Variants in XKR6 observed in about 807,000 individuals in gnomAD.
The protein encoded by XKR6 is XK related 6.
Under a neutral mutation model 56.7 loss-of-function variants are expected in XKR6, and 22 were observed. The ratio of observed to expected loss-of-function variants is 0.39; its 90% CI spans 0.28 to 0.55. The LOEUF is 0.55. XKR6 is among the 20% of genes least tolerant of loss of function. The pLI, the probability that XKR6 is intolerant of heterozygous loss-of-function variation, is 0.66. For synonymous variants in XKR6, 524 were observed against 387.8 expected, an observed-to-expected ratio of 1.35 and a Z score of -4.13; for missense variants, 852 against 889.0, an observed-to-expected ratio of 0.96 and a Z score of 0.53.
chr8:11,034,664 A>C (rs1484268470), intron 1 of XKR6, among the ~76,000 whole-genome samples: 1 of 152,174 alleles, frequency 6.6e-6, no homozygotes, highest in Non-Finnish European at 1.5e-5. Context: ...CAGTCCCCTA[A>C]AGATACCAGC....
intron 1 of XKR6, among the ~76,000 whole-genome samples, chr8:10,976,313 T>C (rs1802556793): frequency 6.6e-6 from 1 of 152,178 alleles, no homozygotes; most frequent in Admixed American, 6.5e-5. Flanking sequence ...AGCAGGGTCC[T>C]CCTTCCTTCC....
chr8:10,918,032 A>G (rs529829350), intron 2 of XKR6, among the ~76,000 whole-genome samples: 88 of 152,274 alleles, frequency 5.8e-4, no homozygotes, highest in African/African-American at 2.1e-3. Flanking sequence ...TGATAATAGT[A>G]TCATCCCACA....
At chr8:11,109,755 T>C (rs1798816862) in intron 1 of XKR6, 1 of 152,194 alleles carries the variant, frequency 6.6e-6, no homozygotes, top group Non-Finnish European at 1.5e-5. Context: ...CCAAGTTTTC[T>C]CCTGCCTGGT....
intron 2 of XKR6, among the ~76,000 whole-genome samples, chr8:10,916,907 C>G (rs1013872169): frequency 2.0e-5 from 3 of 152,216 alleles, no homozygotes; most frequent in Non-Finnish European, 2.9e-5. Context: ...ATAAAAGGAG[C>G]CTGCAAGTGA....
At chr8:11,017,962 T>A (rs1263526562) in intron 1 of XKR6, among the ~76,000 whole-genome samples, 1 of 152,194 alleles carries the variant, frequency 6.6e-6, no homozygotes, top group Non-Finnish European at 1.5e-5. Context: ...CTATTTCTCC[T>A]GTTCCCATCT....
intron 1 of XKR6, among the ~76,000 whole-genome samples, chr8:10,962,633 T>G (rs1420942894): frequency 3.3e-5 from 5 of 152,178 alleles, no homozygotes; most frequent in African/African-American, 4.8e-5. Flanking sequence ...GTTTTGTTTT[T>G]TTTTGTTTTT....
rs142485405 is a variant in XKR6 at position 10,972,091 on chromosome 8, A to G, written c.765-47261T>C. On this transcript the variant is annotated intron_variant, in intron 1 of 2. Transcript: ENST00000416569. Reference sequence around the variant, plus strand: ...TTAAATATTTCTGTTGCGAGTGCCAATCGCCTCTGGCTGGAACACCCTGAG... The same window carrying G: ...TTAAATATTTCTGTTGCGAGTGCCAGTCGCCTCTGGCTGGAACACCCTGAG... 3.4e-3 allele frequency among the ~76,000 whole-genome samples: 513 copies of G among 152,258 alleles called. 4 individuals carry two copies. Among genetic ancestry groups the G allele is most frequent in the African/African-American group, 0.011 (444 of 41,538 alleles).
In XKR6 at chr8:11,027,011, C is replaced by T. The variant is rs117505580; in HGVS notation, c.765-102181G>A. ...CCTAGATGGTCTAGCCTACTATACA[C>T]TTAGATGCTGTTGCCTACTACACAC... On this transcript the variant is annotated intron_variant, in intron 1 of 2. Coordinates refer to ENST00000416569, the MANE Select transcript of XKR6 (RefSeq NM_173683.4). 8.6e-3 allele frequency among the ~76,000 whole-genome samples: 1,307 copies of T among 152,304 alleles called. 14 individuals carry two copies. The highest frequency in any genetic ancestry group is 0.039 in the South Asian group (186 of 4,828).
intron 1 of XKR6, among the ~76,000 whole-genome samples, chr8:10,969,506 A>T (rs1802335691): frequency 6.6e-6 from 1 of 152,248 alleles, no homozygotes; most frequent in Non-Finnish European, 1.5e-5. Context: ...TGGGAAATGT[A>T]GGTACGTGTC....
At chr8:11,178,626 C>G (rs1802802187) in intron 1 of XKR6, among the ~76,000 whole-genome samples, 1 of 128,288 alleles carries the variant, frequency 7.8e-6, no homozygotes, top group Non-Finnish European at 1.5e-5. Context: ...TATACACACA[C>G]AAATATATAT....
intron 1 of XKR6, among the ~76,000 whole-genome samples, chr8:11,013,431 T>C (rs562934132): frequency 1.3e-5 from 2 of 152,280 alleles, no homozygotes; most frequent in South Asian, 4.1e-4. Flanking sequence ...GGCTCTCATG[T>C]TTATTTGAGA....
At position 11,200,452 on chromosome 8, in the gene XKR6, C is replaced by T; in HGVS notation, c.764+124G>A. The T allele has an allele frequency of 8.1e-7, 1 of 1,232,940 alleles. No homozygotes were observed. The highest frequency in any genetic ancestry group is 3.2e-5 in the East Asian group (1 of 31,448). The allele number at this position is 1,232,940 out of a possible 1,614,324, so 76.4% of individuals were successfully genotyped here. ...TCTTTTGGAGACGCCAGGGGCGGCGCGCGGCCGGTCCCTCCTTCGAGCCCC... is the reference window on the plus strand; with the variant it reads ...TCTTTTGGAGACGCCAGGGGCGGCGTGCGGCCGGTCCCTCCTTCGAGCCCC... On this transcript the variant is annotated intron_variant, in intron 1 of 2. Transcript: ENST00000416569. This position sits in a 1 kb window ranked among gnomAD's most constrained non-coding sequence, Gnocchi z 6.4.
intron 1 of XKR6, among the ~76,000 whole-genome samples, chr8:11,055,754 CT>C (rs1799665982): frequency 6.6e-6 from 1 of 151,872 alleles, no homozygotes; most frequent in Non-Finnish European, 1.5e-5. Flanking sequence ...TCGTGGTGAC[CT>C]CCCCTGGTAG....
intron 1 of XKR6, among the ~76,000 whole-genome samples, chr8:10,982,012 G>A (rs886526680): frequency 3.3e-5 from 5 of 152,188 alleles, no homozygotes; most frequent in Non-Finnish European, 5.9e-5. Flanking sequence ...AAACTTTCAT[G>A]CACTAAAGGC....
At chr8:11,173,821 T>C (rs542872246) in intron 1 of XKR6, among the ~76,000 whole-genome samples, 9 of 152,312 alleles carry the variant, frequency 5.9e-5, no homozygotes, top group African/African-American at 1.7e-4. Flanking sequence ...ACTGCCAGTA[T>C]GTACCCACCC....
intron 1 of XKR6, chr8:11,137,953 C>G (rs1563165995): frequency 2.9e-6 from 1 of 344,950 alleles, no homozygotes; most frequent in Non-Finnish European, 5.7e-6. Flanking sequence ...GTAAACCCAC[C>G]AGGCTCATTC....
rs1801156645 is a variant in XKR6, at chr8:10,934,523, T to C, written c.765-9693A>G. On this transcript the variant is annotated intron_variant, in intron 1 of 2. Transcript: ENST00000416569. Reference sequence around the variant, plus strand: ...CAGTTTTTGCCCATTCAGTATGATATTGGCTGTGAGTTTGTCATAGATAGC... The same window carrying C: ...CAGTTTTTGCCCATTCAGTATGATACTGGCTGTGAGTTTGTCATAGATAGC... Among the ~76,000 whole-genome samples the C allele has an allele frequency of 3.8e-5, 5 of 130,442 alleles. 1 individual carries two copies. Among genetic ancestry groups the C allele is most frequent in the Admixed American group, 3.7e-4 (5 of 13,520 alleles). The allele number at this position is 130,442 out of a possible 152,430, so 85.6% of individuals were successfully genotyped here.
At chr8:10,998,240 T>C (rs1049583522) in intron 1 of XKR6, among the ~76,000 whole-genome samples, 2 of 151,384 alleles carry the variant, frequency 1.3e-5, no homozygotes, top group African/African-American at 2.4e-5. Context: ...CCCAACAATA[T>C]AAGGAGAAGA....
At chr8:11,067,664 G>A (rs1321223701) in intron 1 of XKR6, among the ~76,000 whole-genome samples, 5 of 152,242 alleles carry the variant, frequency 3.3e-5, no homozygotes, top group African/African-American at 1.2e-4. Context: ...GAGACAGGTG[G>A]TTGGTGTGTG....
Sources: allele counts gnomAD v4.1 joint callset (sites outside exome capture counted in the v4.1 genomes callset), GRCh38; gene constraint gnomAD v4.1.1; non-coding constraint Gnocchi (gnomAD v3.1); transcripts MANE v1.5; gene names NCBI Gene and HGNC (gene_info 2026-07-23, HGNC 2026-07-21).